Variants in PDE1A observed in about 807,000 individuals in gnomAD.
PDE1A encodes phosphodiesterase 1A, also known as dual specificity calcium/calmodulin-dependent 3',5'-cyclic nucleotide phosphodiesterase 1A.
In PDE1A, 35 loss-of-function variants were observed where a neutral mutation model predicts 61.7. The observed-to-expected ratio is 0.57, with a 90% confidence interval of 0.43 to 0.75. PDE1A has a LOEUF of 0.75. Ranked by LOEUF, PDE1A falls within the 30% of genes least tolerant of loss-of-function variation. PDE1A has a pLI of 0.00. For missense variants in PDE1A, 597 were observed against 630.6 expected (o/e 0.95, Z 0.57); for synonymous variants, 232 against 213.2 (o/e 1.09, Z -0.77).
chr2:182,434,550 T>C (rs1704115420), intron 2 of PDE1A, among the ~76,000 whole-genome samples: 1 of 152,000 alleles, frequency 6.6e-6, no homozygotes, highest in Non-Finnish European at 1.5e-5. Flanking sequence ...CCCTTTTTTT[T>C]TCCTGAAAGG....
chr2:182,350,225 A>C (rs1255076105), intron 1 of PDE1A, among the ~76,000 whole-genome samples: 1 of 152,184 alleles, frequency 6.6e-6, no homozygotes, highest in Non-Finnish European at 1.5e-5. Context: ...TGGGAGATTA[A>C]TGTATCTTGT....
intron 1 of PDE1A, among the ~76,000 whole-genome samples, chr2:182,269,507 T>TAAAAATA (rs1033249887): frequency 4.0e-5 from 6 of 151,470 alleles, no homozygotes; most frequent in African/African-American, 1.5e-4. Flanking sequence ...AATAAATAAA[T>TAAAAATA]AAAAATAAAA....
intron 1 of PDE1A, among the ~76,000 whole-genome samples, chr2:182,266,314 G>T (rs1043489200): frequency 6.6e-6 from 1 of 152,126 alleles, no homozygotes; most frequent in Non-Finnish European, 1.5e-5. Flanking sequence ...ACCAAATGTG[G>T]TTATAATGGA....
downstream of PDE1A, among the ~76,000 whole-genome samples, chr2:182,165,024 C>T (rs1290388596): frequency 6.6e-6 from 1 of 152,126 alleles, no homozygotes; most frequent in Non-Finnish European, 1.5e-5. Flanking sequence ...TTCCCATTCT[C>T]CTGAAGAAGC....
intron 2 of PDE1A, among the ~76,000 whole-genome samples, chr2:182,510,515 C>T (rs147824710): frequency 1.8e-3 from 281 of 152,164 alleles, no homozygotes; most frequent in African/African-American, 6.1e-3. Context: ...AATCTGATAA[C>T]GTAATGGAAA....
At chr2:182,452,431 G>C (rs1054469295) in intron 2 of PDE1A, among the ~76,000 whole-genome samples, 5 of 152,140 alleles carry the variant, frequency 3.3e-5, no homozygotes, top group Admixed American at 3.3e-4. Flanking sequence ...GTGCACGCTA[G>C]AAGTCTGCTG....
At chr2:182,689,996 G>T in the PDE1A span, among the ~76,000 whole-genome samples, 103,465 of 152,000 alleles carry the variant, frequency 0.68, 35,780 homozygotes, top group African/African-American at 0.78. Context: ...GTAGAATCTC[G>T]TAATAGACCA....
At chr2:182,617,740 G>A in the PDE1A span, among the ~76,000 whole-genome samples, 1 of 152,076 alleles carries the variant, frequency 6.6e-6, no homozygotes, top group East Asian at 1.9e-4. Flanking sequence ...CCTTTGCATT[G>A]GCTTCTTCCT....
rs376026131 is a variant in PDE1A, at chr2:182,257,616, G to GT, written c.167+6684dup. ...TCTGTGTCCTTTAGAAAACTGTCAT[G>GT]TTTTTTCTAAATGTGAATTTAGACT... On this transcript the variant is annotated intron_variant, in intron 2 of 13. Coordinates refer to ENST00000351439, the Ensembl canonical transcript of PDE1A. Among the ~76,000 whole-genome samples the GT allele has an allele frequency of 4.8e-3, 730 of 152,242 alleles. 3 individuals carry two copies. The highest frequency in any genetic ancestry group is 0.017 in the African/African-American group (699 of 41,528).
intron 1 of PDE1A, among the ~76,000 whole-genome samples, chr2:182,403,705 AC>A (rs1440905580): frequency 6.6e-6 from 1 of 152,026 alleles, no homozygotes; most frequent in Non-Finnish European, 1.5e-5. Flanking sequence ...GAACCTGGAA[AC>A]CCTCATTCTC....
the PDE1A span, among the ~76,000 whole-genome samples, chr2:182,537,552 A>G: frequency 5.3e-5 from 8 of 152,154 alleles, no homozygotes; most frequent in African/African-American, 1.9e-4. Context: ...AATGTAGATG[A>G]CAGGTTGATG....
chr2:182,373,045 G>C lies in PDE1A; in HGVS notation c.53+53533C>G, dbSNP rs556534112. Among the ~76,000 whole-genome samples the C allele has an allele frequency of 2.6e-5, 4 of 152,352 alleles. No homozygotes were observed. In the South Asian group the frequency reaches 8.3e-4, roughly 32 times the overall value. On this transcript the variant is annotated intron_variant, in intron 1 of 13. Coordinates refer to ENST00000351439, the Ensembl canonical transcript of PDE1A. The stretch of plus-strand genomic sequence containing the variant: ...TGTAGTGACAAGGAGAAATTGTTGA[G>C]GCTGAGCAGTTTCACGACCTCACAT...
chr2:182,581,806 G>A, the PDE1A span, among the ~76,000 whole-genome samples: 5 of 152,228 alleles, frequency 3.3e-5, no homozygotes, highest in East Asian at 1.9e-4. Context: ...CAACCAGAAC[G>A]TGAGCTGATC....
intron 1 of PDE1A, among the ~76,000 whole-genome samples, chr2:182,381,341 A>G (rs773655328): frequency 2.0e-5 from 3 of 152,146 alleles, no homozygotes. Context: ...GAAACATCTG[A>G]ATTCACTGTT....
At chr2:182,197,047 T>G (rs1032643871) in intron 10 of PDE1A, among the ~76,000 whole-genome samples, 2 of 151,908 alleles carry the variant, frequency 1.3e-5, no homozygotes, top group Admixed American at 6.6e-5. Flanking sequence ...CTGTGATGTA[T>G]GTATGATACC....
In PDE1A at chr2:182,447,118, TACACAC is replaced by T. The variant is rs143408471; in HGVS notation, c.101+75152_101+75157del. Among the ~76,000 whole-genome samples, 633 of 149,398 alleles carry T rather than the reference TACACAC, an allele frequency of 4.2e-3. 12 individuals are homozygous for T. The highest frequency in any genetic ancestry group is 4.4e-3 in the East Asian group (22 of 5,046). On this transcript the variant is annotated intron_variant, in intron 2 of 14. Coordinates refer to the PDE1A transcript ENST00000410103. ...TTACTTTGAGAACTTTTTTTTCACT[TACACAC>T]ACACACACACACACACAAACACACA...
intron 2 of PDE1A, among the ~76,000 whole-genome samples, chr2:182,432,061 T>G (rs2125638186): frequency 6.6e-6 from 1 of 152,216 alleles, no homozygotes; most frequent in Admixed American, 6.5e-5. Context: ...TAAAGATCCC[T>G]AGACTAAAGT....
chr2:182,618,163 T>A, the PDE1A span, among the ~76,000 whole-genome samples: 1 of 152,266 alleles, frequency 6.6e-6, no homozygotes, highest in African/African-American at 2.4e-5. Flanking sequence ...ATAAATGCCA[T>A]CAAGAGAAAG....
chr2:182,495,945 C>T lies in PDE1A; in HGVS notation c.101+26331G>A, dbSNP rs112600477. 4.8e-4 allele frequency among the ~76,000 whole-genome samples: 73 copies of T among 152,308 alleles called. 1 individual carries two copies. The East Asian group carries it at 0.014, about 29-fold the overall frequency. On this transcript the variant is annotated intron_variant, in intron 2 of 14. Transcript: ENST00000410103. ...CTTCAAAATGGCAAAGGCAATATTA[C>T]TTTACAAGGCTTGTATGGAGATTTA...
Sources: gnomAD v4.1 joint callset for allele counts (sites outside exome capture counted in the v4.1 genomes callset) on GRCh38, gnomAD v4.1.1 for gene constraint, MANE v1.5 for transcripts, NCBI Gene and HGNC (gene_info 2026-07-23, HGNC 2026-07-21) for gene names.